Variants in MAD1L1 observed in about 807,000 individuals in gnomAD.
The protein encoded by MAD1L1 is mitotic spindle assembly checkpoint protein MAD1.
A neutral mutation model predicts 96.9 loss-of-function variants in MAD1L1; 95 were observed. That is an observed-to-expected ratio of 0.98 (90% CI 0.83 to 1.16). The LOEUF is 1.16. MAD1L1 is among the 50% of genes most tolerant of loss of function. MAD1L1 has a pLI of 0.00. For missense variants in MAD1L1, 1,007 were observed against 954.4 expected (o/e 1.06, Z -0.73); for synonymous variants, 473 against 396.6 (o/e 1.19, Z -2.29).
Position 1,853,251 on chromosome 7 carries a change from C to CG in MAD1L1, c.1999-37024dup, listed in dbSNP as rs1784072138. 3.3e-5 allele frequency among the ~76,000 whole-genome samples: 5 copies of CG among 152,308 alleles called. No individual in the cohort carries two copies. In the South Asian group the frequency reaches 1.0e-3, roughly 32 times the overall value. ...CTGACTGTGGGAACTTGCCACCTCA[C>CG]GGGACTGCCCTCTGTGTCGGGACAG... On this transcript the variant is annotated intron_variant, in intron 18 of 18. Transcript: ENST00000265854.
At chr7:2,190,595 T>G (rs573772946) in intron 10 of MAD1L1, among the ~76,000 whole-genome samples, 3 of 152,176 alleles carry the variant, frequency 2.0e-5, no homozygotes, top group Non-Finnish European at 2.9e-5. Flanking sequence ...TATATAGTAC[T>G]CTGCCAACTC....
intron 12 of MAD1L1, among the ~76,000 whole-genome samples, chr7:2,017,283 G>T (rs182969964): frequency 6.6e-6 from 1 of 152,202 alleles, no homozygotes; most frequent in Non-Finnish European, 1.5e-5. Context: ...CAGTGCTGAC[G>T]GGGGCGTCCC....
chr7:2,130,037 C>T (rs1261356752), intron 11 of MAD1L1, among the ~76,000 whole-genome samples: 1 of 152,256 alleles, frequency 6.6e-6, no homozygotes. Context: ...GGCAGGCAGA[C>T]AGACTCCAGC....
intron 15 of MAD1L1, among the ~76,000 whole-genome samples, chr7:1,970,143 C>G (rs1400155104): frequency 1.3e-5 from 2 of 152,126 alleles, no homozygotes; most frequent in Admixed American, 6.5e-5. Flanking sequence ...AAAAGCCGAG[C>G]CGCAGAGTTG....
rs1392516081 is a variant in MAD1L1, at chr7:2,146,973, C to T, written c.1073+2179G>A. ...CCTCATTGGCCACTGCCAGCGCTGC[C>T]TGTCCTAGGGTCTGCCTCCTTCCTG... On this transcript the variant is annotated intron_variant, in intron 11 of 18. Transcript: ENST00000265854. The surrounding 1 kb of genome is among the most constrained non-coding windows in gnomAD (Gnocchi z 6.2). Among the ~76,000 whole-genome samples, 1 of 152,224 alleles carries T rather than the reference C, an allele frequency of 6.6e-6. No individual in the cohort carries two copies. Among genetic ancestry groups the T allele is most frequent in the Non-Finnish European group, 1.5e-5 (1 of 68,036 alleles).
chr7:2,098,788 C>T (rs932700833), intron 11 of MAD1L1, among the ~76,000 whole-genome samples: 6 of 152,214 alleles, frequency 3.9e-5, no homozygotes, highest in African/African-American at 1.4e-4. Context: ...TCACACCACA[C>T]GCCAGGCATC....
chr7:2,059,834 A>C (rs940685161), intron 12 of MAD1L1, among the ~76,000 whole-genome samples: 3 of 152,140 alleles, frequency 2.0e-5, no homozygotes, highest in African/African-American at 7.2e-5. Context: ...CCAATGGTAC[A>C]TCCACAGGCC....
chr7:2,178,304 C>G (rs1452876617), intron 10 of MAD1L1, among the ~76,000 whole-genome samples: 1 of 152,176 alleles, frequency 6.6e-6, no homozygotes, highest in Non-Finnish European at 1.5e-5. Flanking sequence ...AGAACCTTTC[C>G]TCCTTTTTAA....
chr7:2,016,347 G>A (rs1307222877), intron 12 of MAD1L1, among the ~76,000 whole-genome samples: 3 of 152,216 alleles, frequency 2.0e-5, no homozygotes, highest in Non-Finnish European at 4.4e-5. Context: ...AGTACTGGCT[G>A]AAAGGGCAAA....
chr7:2,197,716 C>T (rs1792067469), intron 10 of MAD1L1, among the ~76,000 whole-genome samples: 1 of 152,236 alleles, frequency 6.6e-6, no homozygotes, highest in South Asian at 2.1e-4. Context: ...CCTAGGCCGG[C>T]TCATCCCTGC....
chr7:1,980,489 C>A lies in MAD1L1; in HGVS notation c.1469G>T (p.Ser490Ile). 1 of 1,599,150 alleles carries A rather than the reference C, an allele frequency of 6.3e-7. No individual in the cohort carries two copies. Among genetic ancestry groups the A allele is most frequent in the Non-Finnish European group, 8.5e-7 (1 of 1,177,702 alleles). The change falls in exon 15 of 19, where the codon AGC becomes ATC. Residue 490 changes from serine (S) to isoleucine (I), a missense_variant. Physicochemically the swap from Ser to Ile is moderately radical, Grantham distance 142. Transcript: ENST00000265854. ...CGCCTCCTCCCTGGAGAACAGGAAG[C>A]TCTGTTCGGCAGAGCTGGACTGAGA... ...LKSQSSSAEQ[S>I]FLFSREEADT...
chr7:2,014,873 G>A (rs1782466303), intron 12 of MAD1L1, among the ~76,000 whole-genome samples: 1 of 152,238 alleles, frequency 6.6e-6, no homozygotes, highest in East Asian at 1.9e-4. Context: ...CTCGGCACCC[G>A]CTCTGACCAC....
At chr7:2,014,753 G>A (rs927821230) in intron 12 of MAD1L1, 111 bp from the exon 13 acceptor site, 2 of 1,287,206 alleles carry the variant, frequency 1.6e-6, no homozygotes, top group Non-Finnish European at 2.1e-6. Context: ...GCTCCCTCGT[G>A]AGGACCCAGG....
chr7:1,835,843 G>T lies in MAD1L1; in HGVS notation c.1999-19615C>A, dbSNP rs564218794. Among the ~76,000 whole-genome samples, 3 of 152,284 alleles carry T rather than the reference G, an allele frequency of 2.0e-5. No individual in the cohort carries two copies. In the South Asian group the frequency reaches 6.2e-4, roughly 32 times the overall value. ...GGGGTGGATTATTCATGAGTTTTCC[G>T]GGAAAGGGGTAGGCAATTCCCAGAA... On this transcript the variant is annotated intron_variant, in intron 18 of 18. Coordinates refer to ENST00000265854, the MANE Select transcript of MAD1L1 (RefSeq NM_001013836.2).
chr7:1,947,820 G>A (rs2128469829), intron 16 of MAD1L1, among the ~76,000 whole-genome samples: 1 of 152,362 alleles, frequency 6.6e-6, no homozygotes, highest in African/African-American at 2.4e-5. Context: ...GGGCCAGCAG[G>A]AGGGCTGAAG....
intron 17 of MAD1L1, among the ~76,000 whole-genome samples, chr7:1,916,357 C>T (rs1459991245): frequency 6.6e-6 from 1 of 152,202 alleles, no homozygotes; most frequent in Non-Finnish European, 1.5e-5. Context: ...AGTGGAACCA[C>T]CCAGACGTCC....
At chr7:1,926,019 AAAAAAAG>A (rs937126005) in intron 17 of MAD1L1, among the ~76,000 whole-genome samples, 2 of 152,130 alleles carry the variant, frequency 1.3e-5, no homozygotes, top group African/African-American at 2.4e-5. Context: ...GCTAACAGAC[AAAAAAAG>A]AAAAAAGAAA....
intron 12 of MAD1L1, among the ~76,000 whole-genome samples, chr7:2,048,460 G>C (rs1242945325): frequency 6.6e-6 from 1 of 152,216 alleles, no homozygotes; most frequent in African/African-American, 2.4e-5. Flanking sequence ...TCTGACGAAT[G>C]CCAGCAGTGA....
intron 12 of MAD1L1, among the ~76,000 whole-genome samples, chr7:2,066,476 C>A (rs1299412680): frequency 6.6e-6 from 1 of 152,244 alleles, no homozygotes; most frequent in Non-Finnish European, 1.5e-5. Context: ...CCATGCCCGG[C>A]GATCAATACC....
Sources: allele counts gnomAD v4.1 joint callset (sites outside exome capture counted in the v4.1 genomes callset), GRCh38; gene constraint gnomAD v4.1.1; non-coding constraint Gnocchi (gnomAD v3.1); transcripts MANE v1.5; gene names NCBI Gene and HGNC (gene_info 2026-07-23, HGNC 2026-07-21).